Variants in FRMD6 observed in about 807,000 individuals in gnomAD.
FRMD6 encodes FERM domain-containing protein 6.
In FRMD6, 37 loss-of-function variants were observed where a neutral mutation model predicts 73.2. The ratio of observed to expected loss-of-function variants is 0.51; its 90% CI spans 0.39 to 0.66. FRMD6 has a LOEUF of 0.66. Ranked by LOEUF, FRMD6 falls within the 30% of genes least tolerant of loss-of-function variation. The probability of loss-of-function intolerance (pLI) is 0.00; values close to 1 mark genes in which losing one functional copy is unlikely to be tolerated. For synonymous variants in FRMD6, 273 were observed against 282.2 expected (o/e 0.97, Z 0.33); for missense variants, 714 against 780.5 (o/e 0.91, Z 1.02).
intron 2 of FRMD6, among the ~76,000 whole-genome samples, chr14:51,606,290 C>T (rs933034343): frequency 6.6e-6 from 1 of 152,200 alleles, no homozygotes; most frequent in Non-Finnish European, 1.5e-5. Context: ...TACACAGGCA[C>T]AGCCATACGT....
chr14:51,436,079 G>T, the FRMD6 span: 1 of 202,036 alleles, frequency 4.9e-6, no homozygotes, highest in South Asian at 8.8e-5. Context: ...CTCAAGTGAA[G>T]AAACCAAGAC....
At chr14:51,416,890 C>A in the FRMD6 span, among the ~76,000 whole-genome samples, 2 of 152,122 alleles carry the variant, frequency 1.3e-5, no homozygotes, top group East Asian at 3.9e-4. Flanking sequence ...TTGAATTGAT[C>A]CCTTTACCAT....
intron 1 of FRMD6, among the ~76,000 whole-genome samples, chr14:51,654,320 T>C (rs1242646857): frequency 6.6e-6 from 1 of 150,632 alleles, no homozygotes; most frequent in Non-Finnish European, 1.5e-5. Flanking sequence ...GGGGGGTCTT[T>C]TTGTAGTTTT....
rs1887566546 is a variant in FRMD6 at position 51,563,032 on chromosome 14, T to C, written c.-209-7316T>C. On this transcript the variant is annotated intron_variant, in intron 1 of 14. Transcript: ENST00000356218. ...GGTTTCTTTCTGCCATGTCTGGCAG[T>C]TGATGTTGACTGTAGGCAGAGAGCA... Among the ~76,000 whole-genome samples, 3 of 152,196 alleles carry C rather than the reference T, an allele frequency of 2.0e-5. No individual in the cohort carries two copies. The South Asian group carries it at 6.2e-4, about 32-fold the overall frequency.
At position 51,708,177 on chromosome 14, in the gene FRMD6, A is replaced by G. The variant is rs756939217; in HGVS notation, c.658A>G (p.Ile220Val). ...LTASEAHLKY[I>V]KEAVRLDDVA... ...AGCTTCCGAAGCTCATCTTAAATATATCAAAGAGGCTGTCCGACTGGATGA... is the reference window on the plus strand; with the variant it reads ...AGCTTCCGAAGCTCATCTTAAATATGTCAAAGAGGCTGTCCGACTGGATGA... Residue 220 changes from isoleucine (I) to valine (V), a missense_variant, in exon 7 of 14, where the codon ATC becomes GTC. Ile to Val is a conservative substitution (Grantham distance 29). Transcript: ENST00000344768. The G allele has an allele frequency of 3.1e-6, 5 of 1,613,310 alleles. No individual in the cohort carries two copies. Among genetic ancestry groups the G allele is most frequent in the Non-Finnish European group, 4.2e-6 (5 of 1,179,472 alleles).
chr14:51,510,896 T>G (rs1284504806), intron 1 of FRMD6, among the ~76,000 whole-genome samples: 1 of 152,210 alleles, frequency 6.6e-6, no homozygotes, highest in South Asian at 2.1e-4. Context: ...TTCAACCTTT[T>G]GGGATGCATG....
At chr14:51,496,884 C>T (rs968199415) in intron 1 of FRMD6, among the ~76,000 whole-genome samples, 8 of 152,116 alleles carry the variant, frequency 5.3e-5, no homozygotes, top group South Asian at 2.1e-4. Context: ...ATCTGCCATC[C>T]GGTCCAGACA....
intron 2 of FRMD6, among the ~76,000 whole-genome samples, chr14:51,609,291 C>T (rs1956580): frequency 0.6 from 90,751 of 151,964 alleles, 28,012 homozygotes; most frequent in East Asian, 0.71. Context: ...TCAATATTAT[C>T]GTTGTCTGTT....
chr14:51,442,773 C>A, the FRMD6 span, among the ~76,000 whole-genome samples: 1 of 152,218 alleles, frequency 6.6e-6, no homozygotes. Flanking sequence ...TCCTCTTGGG[C>A]AGCCCCCTTT....
the FRMD6 span, among the ~76,000 whole-genome samples, chr14:51,457,121 A>G: frequency 4.0e-3 from 603 of 152,348 alleles, no homozygotes; most frequent in Non-Finnish European, 6.7e-3. Context: ...AATAGCCAGA[A>G]GAGAGAATTT....
At chr14:51,638,907 A>C (rs1015403304) in intron 2 of FRMD6, among the ~76,000 whole-genome samples, 1 of 152,190 alleles carries the variant, frequency 6.6e-6, no homozygotes, top group Non-Finnish European at 1.5e-5. Context: ...TTTTGTTCCC[A>C]GTCCTTCCTG....
chr14:51,611,063 A>G (rs770240985), intron 2 of FRMD6, among the ~76,000 whole-genome samples: 1 of 152,086 alleles, frequency 6.6e-6, no homozygotes, highest in Admixed American at 6.5e-5. Context: ...TAATCTTTCT[A>G]TTGCTTCTTG....
chr14:51,410,571 G>C, the FRMD6 span, among the ~76,000 whole-genome samples: 1 of 152,136 alleles, frequency 6.6e-6, no homozygotes. Flanking sequence ...AATAAAAATA[G>C]CTTTATTATC....
At chr14:51,648,719 TA>T (rs1327199196), upstream of FRMD6, among the ~76,000 whole-genome samples, 1 of 152,242 alleles carries the variant, frequency 6.6e-6, no homozygotes, top group Non-Finnish European at 1.5e-5. Context: ...TCTGTTCCCC[TA>T]ATCTACTATA....
chr14:51,515,210 T>C (rs923808062), intron 1 of FRMD6, among the ~76,000 whole-genome samples: 2 of 152,232 alleles, frequency 1.3e-5, no homozygotes, highest in Admixed American at 1.3e-4. Context: ...GCAGTTGTAT[T>C]GCCCCACTCC....
At chr14:51,603,529 A>G (rs1262564810) in intron 2 of FRMD6, among the ~76,000 whole-genome samples, 1 of 152,176 alleles carries the variant, frequency 6.6e-6, no homozygotes, top group African/African-American at 2.4e-5. Context: ...ACATAACGAA[A>G]AACTTTCCTT....
the FRMD6 span, among the ~76,000 whole-genome samples, chr14:51,467,939 C>G: frequency 1.2e-4 from 18 of 151,926 alleles, no homozygotes; most frequent in Admixed American, 1.1e-3. Context: ...CCAAGGCAGG[C>G]GGCTGGGAGG....
the FRMD6 span, among the ~76,000 whole-genome samples, chr14:51,446,315 C>G: frequency 6.6e-6 from 1 of 152,094 alleles, no homozygotes; most frequent in Non-Finnish European, 1.5e-5. Context: ...AAAATTTACC[C>G]TATAAATACT....
chr14:51,668,965 G>A (rs1397520950), intron 1 of FRMD6, among the ~76,000 whole-genome samples: 2 of 152,162 alleles, frequency 1.3e-5, no homozygotes, highest in African/African-American at 2.4e-5. Flanking sequence ...CACCATGCCT[G>A]CCCAAAATCA....
Sources: allele counts gnomAD v4.1 joint callset (sites outside exome capture counted in the v4.1 genomes callset), GRCh38; gene constraint gnomAD v4.1.1; transcripts MANE v1.5; gene names NCBI Gene and HGNC (gene_info 2026-07-23, HGNC 2026-07-21).